Variants in KCNMB2 observed in about 807,000 individuals in gnomAD.
KCNMB2 encodes the protein calcium-activated potassium channel subunit beta-2.
Under a neutral mutation model 24.5 loss-of-function variants are expected in KCNMB2, and 9 were observed. That is an observed-to-expected ratio of 0.37 (90% CI 0.22 to 0.64). KCNMB2 has a LOEUF of 0.64. Among genes scored for constraint, KCNMB2 ranks in the 30% least tolerant of loss-of-function variants. The probability of loss-of-function intolerance (pLI) is 0.63; values close to 1 mark genes in which losing one functional copy is unlikely to be tolerated. For missense variants in KCNMB2, 226 were observed against 284.3 expected, an observed-to-expected ratio of 0.79 and a Z score of 1.47; for synonymous variants, 109 against 104.4, an observed-to-expected ratio of 1.04 and a Z score of -0.27.
intron 2 of KCNMB2, among the ~76,000 whole-genome samples, chr3:178,821,898 C>T (rs1714641189): frequency 6.6e-6 from 1 of 152,138 alleles, no homozygotes; most frequent in African/African-American, 2.4e-5. Flanking sequence ...GATCCTAGAT[C>T]CAGCCCTCAC....
chr3:178,821,877 C>T (rs1714640474), intron 2 of KCNMB2, among the ~76,000 whole-genome samples: 1 of 152,176 alleles, frequency 6.6e-6, no homozygotes, highest in African/African-American at 2.4e-5. Context: ...CTTCTTTATA[C>T]ATCCTACCTT....
chr3:178,713,734 C>T (rs1179879773), intron 1 of KCNMB2, among the ~76,000 whole-genome samples: 1 of 152,178 alleles, frequency 6.6e-6, no homozygotes, highest in Non-Finnish European at 1.5e-5. Flanking sequence ...TGCTCTGACG[C>T]TGCTTCCACA....
At chr3:178,554,743 T>C (rs535936684) in intron 1 of KCNMB2, among the ~76,000 whole-genome samples, 24 of 152,324 alleles carry the variant, frequency 1.6e-4, no homozygotes, top group African/African-American at 5.8e-4. Context: ...AGTAAGAAAC[T>C]AGGGTTGATA....
intron 1 of KCNMB2, among the ~76,000 whole-genome samples, chr3:178,754,720 C>CATG (rs1723968130): frequency 6.6e-6 from 1 of 152,158 alleles, no homozygotes; most frequent in African/African-American, 2.4e-5. Context: ...TGTAACAAAG[C>CATG]ATGAAGGCGA....
At chr3:178,613,697 T>C (rs1030541025) in intron 1 of KCNMB2, among the ~76,000 whole-genome samples, 2 of 152,218 alleles carry the variant, frequency 1.3e-5, no homozygotes, top group African/African-American at 4.8e-5. Context: ...GTCAGAGGTA[T>C]TGGAGCTCCA....
At chr3:178,609,952 T>C (rs980516686) in intron 1 of KCNMB2, among the ~76,000 whole-genome samples, 6 of 152,314 alleles carry the variant, frequency 3.9e-5, no homozygotes, top group Admixed American at 2.6e-4. Flanking sequence ...TTGATTTTTC[T>C]GTATGGTAAG....
At chr3:178,672,678 T>C (rs1720943573) in intron 1 of KCNMB2, among the ~76,000 whole-genome samples, 1 of 152,170 alleles carries the variant, frequency 6.6e-6, no homozygotes, top group South Asian at 2.1e-4. Flanking sequence ...CCATGAACAT[T>C]TGATTTGAGG....
At position 178,789,954 on chromosome 3, in the gene KCNMB2, TC is replaced by T. The variant is rs373104169; in HGVS notation, c.-67-17384del. ...ACTAAGGGAGTACTTGTGTCACCCC[TC>T]CCCCAAACCCAGGCAGTGCAGCTTG... On this transcript the variant is annotated intron_variant, in intron 1 of 4. Transcript: ENST00000452583. Among the ~76,000 whole-genome samples the T allele has an allele frequency of 1.9e-3, 291 of 151,364 alleles. 3 individuals carry two copies. The highest frequency in any genetic ancestry group is 6.6e-3 in the African/African-American group (271 of 41,234).
intron 1 of KCNMB2, among the ~76,000 whole-genome samples, chr3:178,806,525 T>C (rs1713975842): frequency 2.0e-5 from 3 of 152,172 alleles, no homozygotes; most frequent in Admixed American, 1.3e-4. Context: ...TCCTTTGTTC[T>C]AATGTGTTAA....
intron 1 of KCNMB2, among the ~76,000 whole-genome samples, chr3:178,603,454 T>C (rs1253732037): frequency 6.6e-6 from 1 of 150,624 alleles, no homozygotes; most frequent in Non-Finnish European, 1.5e-5. Flanking sequence ...AAGAAATGGG[T>C]CATTTGAGAA....
chr3:178,574,794 G>A (rs138073257), intron 1 of KCNMB2, among the ~76,000 whole-genome samples: 73 of 152,312 alleles, frequency 4.8e-4, no homozygotes, highest in African/African-American at 1.7e-3. Flanking sequence ...TGGGCCAGGC[G>A]TGGTGGCTTA....
intron 1 of KCNMB2, among the ~76,000 whole-genome samples, chr3:178,629,832 G>T (rs765424842): frequency 1.3e-5 from 2 of 152,122 alleles, no homozygotes; most frequent in Non-Finnish European, 2.9e-5. Context: ...TTAAGTTTGG[G>T]CCCATTTAGA....
chr3:178,815,990 T>C lies in KCNMB2; in HGVS notation c.56+8525T>C, dbSNP rs1415726362. Among the ~76,000 whole-genome samples, 5 of 151,988 alleles carry C rather than the reference T, an allele frequency of 3.3e-5. No homozygotes were observed. In the East Asian group the frequency reaches 9.7e-4, roughly 29 times the overall value. Reference sequence around the variant, plus strand: ...GACCTATAATTTTTTTGTGTATTGTTCTGATTTGGTTTTAGTATCAAAGTT... The same window carrying C: ...GACCTATAATTTTTTTGTGTATTGTCCTGATTTGGTTTTAGTATCAAAGTT... On this transcript the variant is annotated intron_variant, in intron 2 of 4. Coordinates refer to ENST00000452583, the MANE Select transcript of KCNMB2 (RefSeq NM_181361.3).
chr3:178,775,371 T>C (rs949763230), intron 1 of KCNMB2, among the ~76,000 whole-genome samples: 3 of 152,108 alleles, frequency 2.0e-5, no homozygotes, highest in Non-Finnish European at 4.4e-5. Flanking sequence ...CATCAGTAAA[T>C]AAAACACCCA....
rs916407362 is a variant in KCNMB2 at position 178,762,180 on chromosome 3, C to A, written c.-67-45163C>A. Among the ~76,000 whole-genome samples the A allele has an allele frequency of 3.3e-5, 5 of 151,654 alleles. No homozygotes were observed. In the South Asian group the frequency reaches 6.2e-4, roughly 19 times the overall value. ...AGCGAGACTCCGTCTCAAAAAAAAA[C>A]CAAAAACCAAGAACAGAAAGTAATC... On this transcript the variant is annotated intron_variant, in intron 1 of 4. Transcript: ENST00000452583.
intron 1 of KCNMB2, among the ~76,000 whole-genome samples, chr3:178,744,188 G>A (rs1723586492): frequency 6.6e-6 from 1 of 152,146 alleles, no homozygotes; most frequent in African/African-American, 2.4e-5. Flanking sequence ...AGCCATAATG[G>A]GGCTTTTATT....
chr3:178,725,362 A>G (rs1228500075), intron 1 of KCNMB2, among the ~76,000 whole-genome samples: 1 of 152,038 alleles, frequency 6.6e-6, no homozygotes, highest in Non-Finnish European at 1.5e-5. Flanking sequence ...CAATCAGGCA[A>G]GAGAAAGTAA....
intron 1 of KCNMB2, among the ~76,000 whole-genome samples, chr3:178,754,195 C>CATATAT (rs144108176): frequency 0.12 from 16,750 of 137,288 alleles, 1,158 homozygotes; most frequent in East Asian, 0.19. Context: ...CACACACATA[C>CATATAT]ATATATATAT....
In KCNMB2 at chr3:178,828,178, C is replaced by T. The variant is rs770772310; in HGVS notation, c.228C>T (p.Ser76=). The T allele has an allele frequency of 2.6e-5, 42 of 1,611,062 alleles. No individual in the cohort carries two copies. The highest frequency in any genetic ancestry group is 4.0e-5 in the African/African-American group (3 of 74,864). The change falls in exon 4 of 5, where the codon AGC becomes AGT. Residue 76 remains serine, a splice_region_variant and synonymous_variant. Transcript: ENST00000452583. ...GITLLRSYMQ[S]VWTEESQCTL... The stretch of plus-strand genomic sequence containing the variant: ...TTTACTCTCACCCCTTTCTCTGCAG[C>T]GTGTGGACCGAAGAGTCTCAATGCA...
Sources: allele counts gnomAD v4.1 joint callset (sites outside exome capture counted in the v4.1 genomes callset), GRCh38; gene constraint gnomAD v4.1.1; transcripts MANE v1.5; gene names NCBI Gene and HGNC (gene_info 2026-07-23, HGNC 2026-07-21).